The following DCC variants were observed in gnomAD, a reference collection of about 807,000 sequenced individuals.
The protein encoded by DCC is netrin receptor DCC.
A neutral mutation model predicts 172.5 loss-of-function variants in DCC; 58 were observed. That is an observed-to-expected ratio of 0.34 (90% CI 0.27 to 0.42). The LOEUF (loss-of-function observed/expected upper bound fraction) is 0.42, where lower values mean the gene tolerates loss of function less well. DCC is among the 10% of genes least tolerant of loss of function. The pLI, the probability that DCC is intolerant of heterozygous loss-of-function variation, is 1.00. For synonymous variants in DCC, 709 were observed against 644.5 expected, an observed-to-expected ratio of 1.10 and a Z score of -1.52; for missense variants, 1,740 against 1,791.0, an observed-to-expected ratio of 0.97 and a Z score of 0.51.
intron 1 of DCC, among the ~76,000 whole-genome samples, chr18:52,555,528 AG>A (rs1250861028): frequency 1.3e-5 from 2 of 152,244 alleles, no homozygotes; most frequent in African/African-American, 2.4e-5. Flanking sequence ...AGAATGAACT[AG>A]ATGATCTATT....
At chr18:52,880,940 G>A (rs2039476486) in intron 2 of DCC, among the ~76,000 whole-genome samples, 1 of 152,068 alleles carries the variant, frequency 6.6e-6, no homozygotes, top group Non-Finnish European at 1.5e-5. Flanking sequence ...CCCACAAACT[G>A]TTCTCCATAG....
chr18:52,528,729 C>G (rs1426395026), intron 1 of DCC, among the ~76,000 whole-genome samples: 1 of 152,090 alleles, frequency 6.6e-6, no homozygotes, highest in African/African-American at 2.4e-5. Context: ...TGACAGGGCT[C>G]TCCTGTCTTG....
intron 1 of DCC, among the ~76,000 whole-genome samples, chr18:52,465,412 G>A (rs1472765366): frequency 1.3e-5 from 2 of 152,084 alleles, no homozygotes; most frequent in African/African-American, 4.8e-5. Context: ...AGGCATCAGA[G>A]CTGAAAGAAC....
At chr18:52,835,122 A>G (rs539945014) in intron 2 of DCC, among the ~76,000 whole-genome samples, 1 of 152,344 alleles carries the variant, frequency 6.6e-6, no homozygotes, top group African/African-American at 2.4e-5. Context: ...TAGGTTATTT[A>G]ACATTCCATG....
chr18:52,504,116 C>G (rs374388250), intron 1 of DCC, among the ~76,000 whole-genome samples: 3 of 152,136 alleles, frequency 2.0e-5, no homozygotes, highest in African/African-American at 7.2e-5. Context: ...CCCCTTCCAG[C>G]TTCCCGTTCA....
rs148096121 is a variant in DCC, at chr18:52,664,791, A to G, written c.92-87263A>G. On this transcript the variant is annotated intron_variant, in intron 1 of 28. Transcript: ENST00000442544. ...CGGCCCAGTGGCCCCAAAAATCTTA[A>G]TGCAAAAATCCTACTGATACCATCT... Among the ~76,000 whole-genome samples the G allele has an allele frequency of 3.9e-3, 599 of 152,240 alleles. 4 individuals are homozygous for G. The highest frequency in any genetic ancestry group is 0.014 in the African/African-American group (577 of 41,558).
intron 5 of DCC, among the ~76,000 whole-genome samples, chr18:52,933,997 C>G (rs1056145611): frequency 1.3e-5 from 2 of 151,944 alleles, no homozygotes; most frequent in Non-Finnish European, 2.9e-5. Context: ...ATATAAGATC[C>G]CCTCCTAGCC....
At chr18:53,293,885 T>C (rs1243437150) in intron 12 of DCC, among the ~76,000 whole-genome samples, 1 of 152,182 alleles carries the variant, frequency 6.6e-6, no homozygotes, top group Non-Finnish European at 1.5e-5. Context: ...CCTACCAGAC[T>C]CTCAAATTAT....
intron 1 of DCC, among the ~76,000 whole-genome samples, chr18:52,360,271 T>C (rs942329398): frequency 1.3e-5 from 2 of 152,256 alleles, no homozygotes; most frequent in Non-Finnish European, 2.9e-5. Flanking sequence ...ACTAACAAGT[T>C]ATAAGACAGC....
rs1169967193 is a variant in DCC, at chr18:53,162,258, T to C, written c.1418+4746T>C. Among the ~76,000 whole-genome samples, 93 of 146,850 alleles carry C rather than the reference T, an allele frequency of 6.3e-4. 1 individual carries two copies. The highest frequency in any genetic ancestry group is 2.3e-3 in the African/African-American group (90 of 39,310). ...AGATGGCAGTGAGCCGAGATCGTGC[T>C]ACTGCACCCCAGCTTGGGTGACAAA... On this transcript the variant is annotated intron_variant, in intron 8 of 28. Coordinates refer to ENST00000442544, the MANE Select transcript of DCC (RefSeq NM_005215.4).
At chr18:52,708,131 T>C (rs2036238928) in intron 1 of DCC, among the ~76,000 whole-genome samples, 1 of 152,108 alleles carries the variant, frequency 6.6e-6, no homozygotes, top group Non-Finnish European at 1.5e-5. Context: ...CTTTTATTTG[T>C]CAATTTAAAA....
intron 1 of DCC, among the ~76,000 whole-genome samples, chr18:52,728,021 C>G (rs921921968): frequency 6.6e-6 from 1 of 152,056 alleles, no homozygotes. Flanking sequence ...ATTCACCTAA[C>G]GATAAACAAA....
intron 12 of DCC, among the ~76,000 whole-genome samples, chr18:53,273,826 T>A (rs2144712744): frequency 6.6e-6 from 1 of 152,056 alleles, no homozygotes; most frequent in African/African-American, 2.4e-5. Flanking sequence ...GTGAGTTATC[T>A]CAATTGAGCC....
chr18:53,398,864 G>A (rs899146822), intron 18 of DCC, among the ~76,000 whole-genome samples: 1 of 152,128 alleles, frequency 6.6e-6, no homozygotes, highest in African/African-American at 2.4e-5. Flanking sequence ...CACATGGATA[G>A]GATCCCTGAG....
intron 2 of DCC, among the ~76,000 whole-genome samples, chr18:52,841,481 T>C (rs2038806060): frequency 6.6e-6 from 1 of 152,200 alleles, no homozygotes; most frequent in Non-Finnish European, 1.5e-5. Context: ...ATTTGGCTCC[T>C]GCTTTTAGAT....
intron 1 of DCC, among the ~76,000 whole-genome samples, chr18:52,666,780 T>C (rs1379097359): frequency 6.6e-6 from 1 of 152,222 alleles, no homozygotes; most frequent in African/African-American, 2.4e-5. Flanking sequence ...CTACTACCTT[T>C]GAAGAGGATC....
chr18:52,833,840 T>A (rs117357750), intron 2 of DCC, among the ~76,000 whole-genome samples: 24,166 of 151,024 alleles, frequency 0.16, 1,970 homozygotes, highest in South Asian at 0.27. Flanking sequence ...AAAAAAAATT[T>A]TTTTGTAGAG....
At chr18:52,931,820 TG>T (rs2040311938) in intron 5 of DCC, 1 of 152,134 alleles carries the variant, frequency 6.6e-6, no homozygotes, top group Admixed American at 6.6e-5. Context: ...GGACACCTTT[TG>T]GGTACAAGGA....
At position 53,351,341 on chromosome 18, in the gene DCC, A is replaced by ATATATATATACACAG. The variant is rs1568074782; in HGVS notation, c.2359+11442_2359+11443insTACACAGTATATATA. 5.7e-4 allele frequency among the ~76,000 whole-genome samples: 43 copies of ATATATATATACACAG among 76,018 alleles called. 3 individuals carry two copies. The highest frequency in any genetic ancestry group is 1.1e-3 in the Non-Finnish European group (36 of 33,952). The allele number at this position is 76,018 out of a possible 152,430, so 49.9% of individuals were successfully genotyped here. A position where few individuals can be genotyped will look rare whatever the true frequency, so the allele number is the denominator to read the frequency against. On this transcript the variant is annotated intron_variant, in intron 15 of 28. Transcript: ENST00000442544. ...CACTGTATATATATATACAGTGTAT[A>ATATATATATACACAG]TATATATACACAGTATATATATATA...
Sources: allele counts gnomAD v4.1 joint callset (sites outside exome capture counted in the v4.1 genomes callset), GRCh38; gene constraint gnomAD v4.1.1; transcripts MANE v1.5; gene names NCBI Gene and HGNC (gene_info 2026-07-23, HGNC 2026-07-21).